AIG1: variants seen among roughly 807,000 people sequenced by gnomAD.
The protein encoded by AIG1 is androgen-induced gene 1 protein.
A neutral mutation model predicts 31.4 loss-of-function variants in AIG1; 23 were observed. The observed-to-expected ratio is 0.73, with a 90% CI of 0.53 to 1.04. The LOEUF is 1.04. Ranked by LOEUF, AIG1 falls within the 50% of genes least tolerant of loss-of-function variation. The pLI is 0.00. For missense variants in AIG1, 274 were observed against 295.0 expected (o/e 0.93, Z 0.52); for synonymous variants, 100 against 110.5 (o/e 0.90, Z 0.60).
chr6:143,202,247 A>G (rs1226657118), intron 3 of AIG1, among the ~76,000 whole-genome samples: 1 of 152,150 alleles, frequency 6.6e-6, no homozygotes, highest in Non-Finnish European at 1.5e-5. Flanking sequence ...AAGTGTAGTT[A>G]TAGTGGGCCT....
chr6:143,133,464 CA>C (rs1771144788), intron 1 of AIG1, among the ~76,000 whole-genome samples: 1 of 152,108 alleles, frequency 6.6e-6, no homozygotes, highest in South Asian at 2.1e-4. Context: ...AAATGACCCC[CA>C]AAGACATTCA....
intron 3 of AIG1, among the ~76,000 whole-genome samples, chr6:143,233,777 A>G (rs1793620938): frequency 6.6e-6 from 1 of 152,204 alleles, no homozygotes; most frequent in Non-Finnish European, 1.5e-5. Flanking sequence ...ACACATTCAG[A>G]TAGGTTACAG....
At chr6:143,130,543 A>AC (rs1783128492) in intron 1 of AIG1, among the ~76,000 whole-genome samples, 1 of 151,658 alleles carries the variant, frequency 6.6e-6, no homozygotes, top group African/African-American at 2.4e-5. Context: ...ACGTGGTGAG[A>AC]CCCCATCTCT....
intron 1 of AIG1, among the ~76,000 whole-genome samples, chr6:143,083,979 TAA>T (rs1263011399): frequency 6.6e-6 from 1 of 151,722 alleles, no homozygotes; most frequent in Non-Finnish European, 1.5e-5. Flanking sequence ...GTGAAAAGAG[TAA>T]AGTTCCCCAG....
intron 1 of AIG1, among the ~76,000 whole-genome samples, chr6:143,123,558 A>T (rs996359090): frequency 6.6e-6 from 1 of 152,002 alleles, no homozygotes; most frequent in Non-Finnish European, 1.5e-5. Context: ...AGTCATTTAT[A>T]TCTTGCTTTT....
In AIG1 at chr6:143,330,004, GT is replaced by G. The variant is rs768181714; in HGVS notation, c.516-3270del. On this transcript the variant is annotated intron_variant, in intron 4 of 5. Coordinates refer to ENST00000357847, the MANE Select transcript of AIG1 (RefSeq NM_016108.4). This position sits in a 1 kb window ranked among gnomAD's most constrained non-coding sequence, Gnocchi z 4.4. ...GACAAAAAGCATAAAGATTTTGGAG[GT>G]TTTTTTTGAGATTAAAAAAAATTCA... 1.3e-5 allele frequency among the ~76,000 whole-genome samples: 2 copies of G among 151,794 alleles called. No individual in the cohort carries two copies. The highest frequency in any genetic ancestry group is 2.9e-5 in the Non-Finnish European group (2 of 67,940).
chr6:143,180,274 G>C (rs1341178259), intron 3 of AIG1, among the ~76,000 whole-genome samples: 1 of 152,162 alleles, frequency 6.6e-6, no homozygotes, highest in African/African-American at 2.4e-5. Flanking sequence ...TGAGGCTGCA[G>C]GATGAGAAAA....
chr6:143,265,402 GT>G (rs1796086698), intron 3 of AIG1, among the ~76,000 whole-genome samples: 1 of 152,168 alleles, frequency 6.6e-6, no homozygotes, highest in South Asian at 2.1e-4. Context: ...CAGGAACTCT[GT>G]TTTATGCATT....
chr6:143,156,410 G>T (rs1297206226), intron 2 of AIG1, among the ~76,000 whole-genome samples: 2 of 152,202 alleles, frequency 1.3e-5, no homozygotes, highest in African/African-American at 2.4e-5. Flanking sequence ...ATAGAATAAT[G>T]TGTAGAGTGC....
At position 143,165,110 on chromosome 6, in the gene AIG1, A is replaced by G; in HGVS notation, c.326A>G (p.Tyr109Cys). ...VFVVAVFWII[Y>C]AYDREMIYPK... ...GTTGTAGCAGTGTTCTGGATCATTT[A>G]TGCCTATGACAGAGAGATGATATAC... The change falls in exon 3 of 6, where the codon TAT (tyrosine) becomes TGT (cysteine). Residue 109 changes from tyrosine (Y) to cysteine (C), a missense_variant. Physicochemically the swap from Tyr to Cys is radical, Grantham distance 194. Transcript: ENST00000357847. 6.2e-7 allele frequency: 1 copy of G among 1,613,530 alleles called. No individual in the cohort carries two copies. Among genetic ancestry groups the G allele is most frequent in the East Asian group, 2.2e-5 (1 of 44,876 alleles).
intron 1 of AIG1, among the ~76,000 whole-genome samples, chr6:143,126,692 A>G (rs1275882017): frequency 6.6e-6 from 1 of 152,204 alleles, no homozygotes; most frequent in Non-Finnish European, 1.5e-5. Flanking sequence ...CTGAAAACAA[A>G]ATAACTTTTT....
chr6:143,181,395 A>G (rs1436665922), intron 3 of AIG1, among the ~76,000 whole-genome samples: 2 of 152,242 alleles, frequency 1.3e-5, no homozygotes, highest in Non-Finnish European at 2.9e-5. Flanking sequence ...GAACTGCTTC[A>G]TGCTATTCCT....
chr6:143,339,558 G>A, intron 5 of AIG1, 81 bp from the exon 6 acceptor site: 1 of 1,421,394 alleles, frequency 7.0e-7, no homozygotes, highest in South Asian at 1.2e-5. Context: ...GGATGTGTGA[G>A]TAGTGTTAGC....
rs116394239 is a variant in AIG1 at position 143,297,265 on chromosome 6, C to T, written c.515+13040C>T. Among the ~76,000 whole-genome samples, 1,389 of 152,198 alleles carry T rather than the reference C, an allele frequency of 9.1e-3. 15 individuals are homozygous for T. The highest frequency in any genetic ancestry group is 0.032 in the African/African-American group (1,336 of 41,512). The stretch of plus-strand genomic sequence containing the variant: ...GAAAAAGCAGATGGCCTAGAAGCAA[C>T]GGAGAGGAAACCATAGTCAGGGAGC... On this transcript the variant is annotated intron_variant, in intron 4 of 5. Transcript: ENST00000357847. The surrounding 1 kb of genome is among the most constrained non-coding windows in gnomAD (Gnocchi z 5.1).
At chr6:143,068,741 G>A (rs1482475929) in intron 1 of AIG1, among the ~76,000 whole-genome samples, 1 of 150,322 alleles carries the variant, frequency 6.7e-6, no homozygotes, top group Non-Finnish European at 1.5e-5. Flanking sequence ...GCTTCAGGAT[G>A]GTATTTATTT....
chr6:143,229,164 G>T, intron 3 of AIG1, among the ~76,000 whole-genome samples: 1 of 152,338 alleles, frequency 6.6e-6, no homozygotes. Context: ...TCTGTTTCTT[G>T]CAATTTGAAC....
In AIG1 at chr6:143,328,029, T is replaced by C. The variant is rs1776753960; in HGVS notation, c.516-5253T>C. 6.6e-6 allele frequency among the ~76,000 whole-genome samples: 1 copy of C among 152,138 alleles called. No homozygotes were observed. On this transcript the variant is annotated intron_variant, in intron 4 of 5. Transcript: ENST00000357847. The surrounding 1 kb of genome is among the most constrained non-coding windows in gnomAD (Gnocchi z 4.0). Reference sequence around the variant, plus strand: ...CATAGCCATGAATGAACTCATCAACTGAGAATGCATAAGAGAAAACAGTTT... The same window carrying C: ...CATAGCCATGAATGAACTCATCAACCGAGAATGCATAAGAGAAAACAGTTT...
chr6:143,194,616 G>T (rs982736231), intron 3 of AIG1, among the ~76,000 whole-genome samples: 52 of 152,216 alleles, frequency 3.4e-4, no homozygotes, highest in African/African-American at 1.2e-3. Flanking sequence ...AGTAGTTTAT[G>T]TGTGGATAAA....
At chr6:143,312,090 G>T (rs1303949700) in intron 4 of AIG1, among the ~76,000 whole-genome samples, 1 of 151,870 alleles carries the variant, frequency 6.6e-6, no homozygotes, top group Non-Finnish European at 1.5e-5. Context: ...ATATTCCATG[G>T]TCATGGATTA....
Sources: gnomAD v4.1 joint callset for allele counts (sites outside exome capture counted in the v4.1 genomes callset) on GRCh38, gnomAD v4.1.1 for gene constraint, Gnocchi (gnomAD v3.1) non-coding constraint, MANE v1.5 for transcripts, NCBI Gene and HGNC (gene_info 2026-07-23, HGNC 2026-07-21) for gene names.